Variants in DOCK3 observed in about 807,000 individuals in gnomAD.
DOCK3 encodes the protein dedicator of cytokinesis protein 3.
DOCK3 carries 60 observed loss-of-function variants against 265.6 expected under a neutral mutation model. That is an observed-to-expected ratio of 0.23 (90% CI 0.18 to 0.28). DOCK3 has a LOEUF of 0.28. DOCK3 is among the 10% of genes least tolerant of loss of function. The pLI, the probability that DOCK3 is intolerant of heterozygous loss-of-function variation, is 1.00. For synonymous variants in DOCK3, 881 were observed against 938.0 expected (o/e 0.94, Z 1.11); for missense variants, 1,981 against 2,594.3 (o/e 0.76, Z 5.14).
intron 37 of DOCK3, among the ~76,000 whole-genome samples, chr3:51,339,832 A>T (rs1027658313): frequency 9.2e-5 from 14 of 152,220 alleles, no homozygotes; most frequent in Non-Finnish European, 1.6e-4. Context: ...TGTGTGATAG[A>T]TCAGGAAATT....
At chr3:51,262,964 A>G (rs1050329372) in intron 23 of DOCK3, among the ~76,000 whole-genome samples, 3 of 152,232 alleles carry the variant, frequency 2.0e-5, no homozygotes, top group Non-Finnish European at 4.4e-5. Flanking sequence ...TGAAAGTGAC[A>G]GGGAGAATGG....
At chr3:51,265,128 T>G (rs1040582228) in intron 23 of DOCK3, among the ~76,000 whole-genome samples, 1 of 152,088 alleles carries the variant, frequency 6.6e-6, no homozygotes, top group Non-Finnish European at 1.5e-5. Flanking sequence ...CCTGGACACA[T>G]GCGCCATCCC....
chr3:50,889,112 T>TGTGTGTGTGTGTG (rs2048511762), intron 3 of DOCK3, among the ~76,000 whole-genome samples: 1 of 143,208 alleles, frequency 7.0e-6, no homozygotes, highest in African/African-American at 2.6e-5. Flanking sequence ...TGTGTGTGTG[T>TGTGTGTGTGTGTG]TTAAGACAGG....
At chr3:50,950,590 A>G (rs2076562987) in intron 5 of DOCK3, among the ~76,000 whole-genome samples, 1 of 152,072 alleles carries the variant, frequency 6.6e-6, no homozygotes, top group African/African-American at 2.4e-5. Context: ...GCTGAGACCC[A>G]TACCTAGCTT....
intron 2 of DOCK3, among the ~76,000 whole-genome samples, chr3:50,832,331 G>A (rs1213468766): frequency 1.3e-5 from 2 of 152,110 alleles, no homozygotes; most frequent in African/African-American, 4.8e-5. Flanking sequence ...AACACCAAAA[G>A]CAATGGCAAC....
At position 50,929,930 on chromosome 3, in the gene DOCK3, T is replaced by G. The variant is rs544764395; in HGVS notation, c.219-4051T>G. On this transcript the variant is annotated intron_variant, in intron 4 of 52. Coordinates refer to ENST00000266037, the MANE Select transcript of DOCK3 (RefSeq NM_004947.5). The stretch of plus-strand genomic sequence containing the variant: ...ATTAAATATCCTATACACTAATCAT[T>G]TTATTTGACACTTCACACTTACCAC... Among the ~76,000 whole-genome samples the G allele has an allele frequency of 3.3e-5, 5 of 152,334 alleles. No individual in the cohort carries two copies. In the South Asian group the frequency reaches 1.0e-3, roughly 32 times the overall value.
chr3:50,871,644 C>G (rs773890032), intron 3 of DOCK3, among the ~76,000 whole-genome samples: 17 of 152,094 alleles, frequency 1.1e-4, no homozygotes, highest in Non-Finnish European at 1.8e-4. Context: ...CTCTTTAATG[C>G]CAACTCTCAG....
chr3:50,948,401 C>CTTTTTTTTT (rs59584829), intron 5 of DOCK3, among the ~76,000 whole-genome samples: 2 of 98,662 alleles, frequency 2.0e-5, no homozygotes, highest in African/African-American at 4.1e-5. Flanking sequence ...AAGTTTTAAT[C>CTTTTTTTTT]TTTTTTTTTT....
intron 1 of DOCK3, among the ~76,000 whole-genome samples, chr3:50,676,471 A>G (rs1267551871): frequency 2.6e-5 from 4 of 152,206 alleles, no homozygotes; most frequent in African/African-American, 9.7e-5. Context: ...CTCTATTGAG[A>G]AGGAATTGAG....
chr3:50,707,568 G>A (rs1041140797), intron 1 of DOCK3, among the ~76,000 whole-genome samples: 3 of 152,202 alleles, frequency 2.0e-5, no homozygotes, highest in African/African-American at 7.2e-5. Context: ...AGTGGCTTAG[G>A]CTGTGGTTGT....
intron 25 of DOCK3, chr3:51,276,352 A>G (rs2080818308): frequency 1.0e-6 from 1 of 985,192 alleles, no homozygotes; most frequent in Non-Finnish European, 1.2e-6. Context: ...CTCATAGCCC[A>G]AGGTTGTATT....
In DOCK3 at chr3:51,381,414, C is replaced by A. The variant is rs782538926; in HGVS notation, c.5948C>A (p.Pro1983Gln). ...LPPKPYHPRL[P>Q]ALEHDEGVLL... ...CCCAAGCCCTACCACCCCCGCCTGC[C>A]GGCCCTGGAGCACGATGAGGGGGTG... is the stretch of plus-strand genomic sequence containing the variant. Residue 1983 changes from proline to glutamine, a missense_variant, in exon 53 of 53, where the codon CCG becomes CAG. Around this residue, in one of 4 missense-constraint regions of DOCK3, gnomAD observed 149 missense variants for 144.7 expected, o/e 1.03. Coordinates refer to ENST00000266037, the MANE Select transcript of DOCK3 (RefSeq NM_004947.5). The surrounding 1 kb of genome is among the most constrained non-coding windows in gnomAD (Gnocchi z 5.6). 1 of 1,612,098 alleles carries A rather than the reference C, an allele frequency of 6.2e-7. No individual in the cohort carries two copies. Among genetic ancestry groups the A allele is most frequent in the Non-Finnish European group, 8.5e-7 (1 of 1,179,586 alleles).
intron 1 of DOCK3, among the ~76,000 whole-genome samples, chr3:50,736,001 T>C (rs2038573977): frequency 6.6e-6 from 1 of 152,178 alleles, no homozygotes; most frequent in Admixed American, 6.5e-5. Flanking sequence ...GCTGCACCCA[T>C]TAACTCGTCA....
intron 2 of DOCK3, among the ~76,000 whole-genome samples, chr3:50,825,059 T>C (rs920169428): frequency 6.6e-6 from 1 of 152,208 alleles, no homozygotes; most frequent in African/African-American, 2.4e-5. Context: ...ATTTTAATAA[T>C]ATTGGGCTTT....
intron 2 of DOCK3, among the ~76,000 whole-genome samples, chr3:50,802,014 A>G (rs1358467047): frequency 5.9e-5 from 9 of 152,088 alleles, no homozygotes; most frequent in Non-Finnish European, 1.5e-5. Flanking sequence ...ATAGCTATTC[A>G]TGCTCACTTT....
chr3:50,947,059 A>G (rs771719906), intron 5 of DOCK3, among the ~76,000 whole-genome samples: 1 of 152,220 alleles, frequency 6.6e-6, no homozygotes, highest in East Asian at 1.9e-4. Flanking sequence ...TCACTGAGGA[A>G]TAGTGAACTG....
At chr3:51,257,051 T>TA (rs1576565868) in intron 22 of DOCK3, among the ~76,000 whole-genome samples, 2 of 152,184 alleles carry the variant, frequency 1.3e-5, no homozygotes, top group East Asian at 3.8e-4. Context: ...GCAAGGCCAT[T>TA]TATGGAGGTA....
chr3:51,036,115 A>G (rs2080252289), intron 5 of DOCK3, among the ~76,000 whole-genome samples: 1 of 152,204 alleles, frequency 6.6e-6, no homozygotes, highest in Non-Finnish European at 1.5e-5. Flanking sequence ...CATGGTAGTC[A>G]CTTGCTCCAT....
chr3:51,151,610 G>A (rs1044708835), intron 10 of DOCK3, among the ~76,000 whole-genome samples: 22 of 152,188 alleles, frequency 1.4e-4, no homozygotes, highest in Non-Finnish European at 2.4e-4. Flanking sequence ...TTACAATTTG[G>A]CATGTTTTTG....
Sources: allele counts gnomAD v4.1 joint callset (sites outside exome capture counted in the v4.1 genomes callset), GRCh38; gene constraint gnomAD v4.1.1; regional missense constraint gnomAD v4.1.1; non-coding constraint Gnocchi (gnomAD v3.1); transcripts MANE v1.5; gene names NCBI Gene and HGNC (gene_info 2026-07-23, HGNC 2026-07-21).